Variants in ELP3 observed in about 807,000 individuals in gnomAD.
ELP3 encodes elongator complex protein 3.
A neutral mutation model predicts 74.9 loss-of-function variants in ELP3; 56 were observed. The ratio of observed to expected loss-of-function variants is 0.75; its 90% CI spans 0.60 to 0.93. The LOEUF (loss-of-function observed/expected upper bound fraction) is 0.93. Ranked by LOEUF, ELP3 falls within the 40% of genes least tolerant of loss-of-function variation. The pLI, the probability that ELP3 is intolerant of heterozygous loss-of-function variation, is 0.00. For synonymous variants in ELP3, 222 were observed against 239.8 expected (o/e 0.93, Z 0.68); for missense variants, 573 against 686.5 (o/e 0.83, Z 1.85).
intron 9 of ELP3, among the ~76,000 whole-genome samples, chr8:28,133,016 A>G (rs994872139): frequency 1.3e-5 from 2 of 152,154 alleles, no homozygotes; most frequent in Non-Finnish European, 2.9e-5. Flanking sequence ...GTTGCTTTGC[A>G]GAGAGTTATA....
chr8:28,133,428 C>CTTTTTTTTTCT (rs1812857979), intron 9 of ELP3, among the ~76,000 whole-genome samples: 1 of 135,562 alleles, frequency 7.4e-6, no homozygotes, highest in Non-Finnish European at 1.6e-5. Flanking sequence ...CTTTTTTTTC[C>CTTTTTTTTTCT]TTTTTTTTTT....
chr8:28,111,821 C>T (rs986600988), intron 6 of ELP3, among the ~76,000 whole-genome samples: 3 of 152,198 alleles, frequency 2.0e-5, no homozygotes, highest in Admixed American at 1.3e-4. Flanking sequence ...TTCTCCAAAA[C>T]GTGTCACATC....
chr8:28,116,381 T>C (rs1327032059), intron 7 of ELP3, among the ~76,000 whole-genome samples: 1 of 152,174 alleles, frequency 6.6e-6, no homozygotes, highest in Admixed American at 6.5e-5. Flanking sequence ...GCATTGTGAT[T>C]TCTTCGTCTT....
intron 10 of ELP3, among the ~76,000 whole-genome samples, chr8:28,146,334 A>T (rs1263629046): frequency 6.6e-6 from 1 of 152,230 alleles, no homozygotes; most frequent in Non-Finnish European, 1.5e-5. Flanking sequence ...AAACATTAGA[A>T]TAGGAATACC....
At chr8:28,156,125 A>C in intron 11 of ELP3, 93 bp downstream of exon 11, 1 of 995,832 alleles carries the variant, frequency 1.0e-6, no homozygotes. Context: ...CTAAAACCAG[A>C]CTTGCGGGTC....
In ELP3 at chr8:28,191,001, T is replaced by C. The variant is rs1366813930; in HGVS notation, c.*1276T>C. ...CTTGTAGAACTGCCTCTTTGAAATT[T>C]CGAGGTAATCTACTTTGGAGACTCT... On this transcript the variant is annotated 3_prime_UTR_variant, in exon 15 of 15. Coordinates refer to ENST00000256398, the MANE Select transcript of ELP3 (RefSeq NM_018091.6). The C allele has an allele frequency of 6.6e-6, 1 of 152,246 alleles. No individual in the cohort carries two copies. Among genetic ancestry groups the C allele is most frequent in the East Asian group, 1.9e-4 (1 of 5,204 alleles). 9.4% of individuals were successfully genotyped at this position (152,246 alleles called of 1,614,324 possible).
At chr8:28,138,994 A>T (rs1334376121) in intron 10 of ELP3, among the ~76,000 whole-genome samples, 1 of 152,184 alleles carries the variant, frequency 6.6e-6, no homozygotes, top group Non-Finnish European at 1.5e-5. Flanking sequence ...AAAGGACATT[A>T]GGTGGTGCGG....
At chr8:28,143,679 T>G (rs1226474360) in intron 10 of ELP3, among the ~76,000 whole-genome samples, 1 of 152,196 alleles carries the variant, frequency 6.6e-6, no homozygotes, top group Non-Finnish European at 1.5e-5. Flanking sequence ...TTCTTTGCTT[T>G]CTTCTTCCTT....
At chr8:28,109,428 A>T (rs991236081) in intron 5 of ELP3, among the ~76,000 whole-genome samples, 1 of 151,608 alleles carries the variant, frequency 6.6e-6, no homozygotes, top group Non-Finnish European at 1.5e-5. Flanking sequence ...TCCCCTAGCC[A>T]CTCTTTTTCA....
chr8:28,177,415 A>G lies in ELP3; in HGVS notation c.1568-12234A>G, dbSNP rs148786596. 3.3e-5 allele frequency among the ~76,000 whole-genome samples: 5 copies of G among 152,382 alleles called. No individual in the cohort carries two copies. In the East Asian group the frequency reaches 7.7e-4, roughly 23 times the overall value. ...ATAATAAAGTCTCATTTCAATAGCA[A>G]GTGAATGAAACTAATGAATATATTT... On this transcript the variant is annotated intron_variant, in intron 14 of 14. Coordinates refer to ENST00000256398, the MANE Select transcript of ELP3 (RefSeq NM_018091.6).
At chr8:28,107,036 G>A (rs1811725574) in intron 4 of ELP3, among the ~76,000 whole-genome samples, 1 of 152,132 alleles carries the variant, frequency 6.6e-6, no homozygotes, top group South Asian at 2.1e-4. Context: ...ATCACCTGAG[G>A]TCAGGAGTTA....
chr8:28,128,890 G>A (rs994428952), intron 7 of ELP3, among the ~76,000 whole-genome samples: 15 of 152,288 alleles, frequency 9.8e-5, no homozygotes, highest in African/African-American at 2.9e-4. Context: ...AGTGGTGCTC[G>A]CTACTCTGAT....
At chr8:28,124,930 G>A (rs983736769) in intron 7 of ELP3, among the ~76,000 whole-genome samples, 1 of 152,120 alleles carries the variant, frequency 6.6e-6, no homozygotes, top group Admixed American at 6.5e-5. Flanking sequence ...CACCAATATC[G>A]AGGAAGCAGA....
chr8:28,143,822 C>T (rs1813333787), intron 10 of ELP3, among the ~76,000 whole-genome samples: 1 of 152,082 alleles, frequency 6.6e-6, no homozygotes, highest in Non-Finnish European at 1.5e-5. Flanking sequence ...AGCATCTTTT[C>T]ATTATTATTA....
chr8:28,178,915 G>A (rs553160747), intron 14 of ELP3, among the ~76,000 whole-genome samples: 5 of 152,302 alleles, frequency 3.3e-5, no homozygotes, highest in African/African-American at 7.2e-5. Context: ...AAGTTGCTGT[G>A]TGCACATGTG....
intron 8 of ELP3, among the ~76,000 whole-genome samples, chr8:28,130,586 G>T (rs529668942): frequency 6.6e-6 from 1 of 152,190 alleles, no homozygotes; most frequent in Non-Finnish European, 1.5e-5. Flanking sequence ...AACCGAATAG[G>T]ATGCTCTTAT....
At chr8:28,140,480 C>A (rs1045126658) in intron 10 of ELP3, among the ~76,000 whole-genome samples, 1 of 152,072 alleles carries the variant, frequency 6.6e-6, no homozygotes, top group Non-Finnish European at 1.5e-5. Context: ...TTCTCAGATT[C>A]CTTATTTGCA....
At chr8:28,095,724 T>C (rs1049912536) in intron 1 of ELP3, among the ~76,000 whole-genome samples, 1 of 152,250 alleles carries the variant, frequency 6.6e-6, no homozygotes, top group East Asian at 1.9e-4. Context: ...CTTGTTAACT[T>C]GCCTTAGCCT....
chr8:28,166,196 G>T (rs138197149), intron 14 of ELP3, among the ~76,000 whole-genome samples: 4 of 152,158 alleles, frequency 2.6e-5, no homozygotes, highest in African/African-American at 9.7e-5. Flanking sequence ...GTGAACGTTC[G>T]TGTTGGGCTA....
Sources: allele counts gnomAD v4.1 joint callset (sites outside exome capture counted in the v4.1 genomes callset), GRCh38; gene constraint gnomAD v4.1.1; transcripts MANE v1.5; gene names NCBI Gene and HGNC (gene_info 2026-07-23, HGNC 2026-07-21).